Variants in LMNTD2 observed in about 807,000 individuals in gnomAD.
LMNTD2 encodes the protein lamin tail domain-containing protein 2.
In LMNTD2, 83 loss-of-function variants were observed where a neutral mutation model predicts 70.1. The observed-to-expected ratio is 1.18, with a 90% CI of 0.99 to 1.42. The LOEUF is 1.42. Ranked by LOEUF, LMNTD2 falls within the 40% of genes most tolerant of loss-of-function variation. The pLI is 0.00. For missense variants in LMNTD2, 1,153 were observed against 905.9 expected (o/e 1.27, Z -3.50); for synonymous variants, 534 against 406.1 (o/e 1.31, Z -3.79).
rs758469682 is a variant in LMNTD2 at position 556,044 on chromosome 11, G to A, written c.1329C>T (p.Leu443=). ...RASSSREPVP[L]LSIRGCATLL... ...GCGTCGCGCAGCCGCGGATGGAGAG[G>A]AGGGGAACGGGCTCCCGGCTCGAGG... is the stretch of plus-strand genomic sequence containing the variant. Residue 443 remains leucine (L), a synonymous_variant, in exon 11 of 14, where the codon CTC becomes CTT. Coordinates refer to ENST00000329451, the MANE Select transcript of LMNTD2 (RefSeq NM_173573.3). 17 of 1,554,154 alleles carry A rather than the reference G, an allele frequency of 1.1e-5. No individual in the cohort carries two copies. The highest frequency in any genetic ancestry group is 4.6e-5 in the South Asian group (4 of 86,684).
intron 1 of LMNTD2, chr11:559,245 C>A (rs1019414186): frequency 4.7e-6 from 7 of 1,495,878 alleles, no homozygotes; most frequent in Middle Eastern, 1.7e-4. Context: ...ATGTCCCTGG[C>A]GTGTACCCCT....
rs750357468 is a variant in LMNTD2 at position 557,608 on chromosome 11, G to C, written c.588C>G (p.Ser196Arg). ...GGGCCTGAATGTTTTCAGAGAGGTC[G>C]CTTGGGTCCATCAGAGTCTCTGCCG... ...VVTAETLMDP[S>R]DLSENIQAPT... Residue 196 changes from serine (S) to arginine (R), a missense_variant, in exon 6 of 14, where the codon AGC (serine) becomes AGG (arginine). Ser to Arg is a moderately radical substitution (Grantham distance 110). Coordinates refer to ENST00000329451, the MANE Select transcript of LMNTD2 (RefSeq NM_173573.3). 3 of 1,613,292 alleles carry C rather than the reference G, an allele frequency of 1.9e-6. No individual in the cohort carries two copies. Among genetic ancestry groups the C allele is most frequent in the East Asian group, 2.2e-5 (1 of 44,882 alleles).
chr11:559,295 C>A (rs558755377), intron 1 of LMNTD2: 2 of 1,448,134 alleles, frequency 1.4e-6, no homozygotes, highest in Non-Finnish European at 1.8e-6. Flanking sequence ...ATGTGGTGTC[C>A]CTCTTTCTCT....
Position 556,213 on chromosome 11 carries a change from CA to C in LMNTD2, c.1235del (p.Leu412ArgfsTer43). On this transcript the variant is annotated frameshift_variant, in exon 10 of 14. Transcript: ENST00000329451. LOFTEE classifies it high-confidence loss of function. Reference sequence around the variant, plus strand: ...GCACCGTGACGTGGTGCCGCGGGGCCAGCAGCGTGCCCGGCGGGAAGCGGTA... The same window carrying C: ...GCACCGTGACGTGGTGCCGCGGGGCCGCAGCGTGCCCGGCGGGAAGCGGTA... ...RLYRFPPGTLLAPRHHVTVWG... is the reference protein window; with the variant it reads ...RLYRFPPGTLXAPRHHVTVWG... The C allele has an allele frequency of 6.7e-7, 1 of 1,484,062 alleles. No individual in the cohort carries two copies. Among genetic ancestry groups the C allele is most frequent in the Non-Finnish European group, 8.9e-7 (1 of 1,123,286 alleles). The allele number at this position is 1,484,062 out of a possible 1,614,324, so 91.9% of individuals were successfully genotyped here.
At position 560,712 on chromosome 11, in the gene LMNTD2, C is replaced by T. The variant is rs752500733; in HGVS notation, c.5G>A (p.Arg2Gln). Residue 2 changes from arginine (R) to glutamine (Q), a missense_variant, in exon 1 of 14, where the codon CGG (arginine) becomes CAG (glutamine). By Grantham distance (43) the Arg-to-Gln change is conservative. Coordinates refer to ENST00000329451, the MANE Select transcript of LMNTD2 (RefSeq NM_173573.3). M[R>Q]WLRPAGRRRE... Reference sequence around the variant, plus strand: ...ACGCCTGCCCGCGGGCCGCAGCCACCGCATTTCCGCGTTTTTCGCGGTAGG... The same window carrying T: ...ACGCCTGCCCGCGGGCCGCAGCCACTGCATTTCCGCGTTTTTCGCGGTAGG... 4.2e-6 allele frequency: 6 copies of T among 1,438,126 alleles called. No individual in the cohort carries two copies. In the South Asian group the frequency reaches 8.2e-5, roughly 20 times the overall value. 89.1% of individuals were successfully genotyped at this position (1,438,126 alleles called of 1,614,324 possible). A position where few individuals can be genotyped will look rare whatever the true frequency, so the allele number is the denominator to read the frequency against.
chr11:557,213 C>T (rs769747070), intron 7 of LMNTD2, 116 bp from the exon 8 acceptor site: 7 of 1,431,050 alleles, frequency 4.9e-6, no homozygotes, highest in Non-Finnish European at 6.5e-6. Context: ...TACCCAGGCT[C>T]AGTTCATGGC....
chr11:555,972 GC>G, intron 11 of LMNTD2, 23 bp downstream of exon 11: 2 of 1,547,422 alleles, frequency 1.3e-6, no homozygotes, highest in Non-Finnish European at 8.7e-7. Context: ...AGCCCCGGCC[GC>G]CCCACCGGGG....
In LMNTD2 at chr11:556,327, G is replaced by A. The variant is rs1043025211; in HGVS notation, c.1122C>T (p.Val374=). ...IVAVSCREKF[V]RIFNPSQEST... The stretch of plus-strand genomic sequence containing the variant: ...TCTCCTGCGACGGGTTGAAGATGCG[G>A]ACGAACTTCTCCCGGCAGCTCACAG... Residue 374 remains valine (V), a synonymous_variant, in exon 10 of 14, where the codon GTC becomes GTT. Coordinates refer to ENST00000329451, the MANE Select transcript of LMNTD2 (RefSeq NM_173573.3). The A allele has an allele frequency of 2.6e-5, 40 of 1,535,734 alleles. No individual in the cohort carries two copies. Among genetic ancestry groups the A allele is most frequent in the Non-Finnish European group, 3.1e-5 (36 of 1,146,672 alleles).
intron 12 of LMNTD2, 50 bp from the exon 13 acceptor site, chr11:555,553 C>T: frequency 7.5e-7 from 1 of 1,330,544 alleles, no homozygotes; most frequent in South Asian, 1.9e-5. Flanking sequence ...GAAAGGCGGC[C>T]CTAGAGGGCT....
rs375461388 is a variant in LMNTD2 at position 555,444 on chromosome 11, G to C, written c.1634C>G (p.Pro545Arg). Reference protein sequence around the residue: ...SGKLFHAREGPARPENPEIPA... With the variant: ...SGKLFHAREGRARPENPEIPA... Reference sequence around the variant, plus strand: ...GATCTCGGGGTTCTCGGGCCGCGCAGGCCCCTCCCGCGCGTGGAAGAGCTT... The same window carrying C: ...GATCTCGGGGTTCTCGGGCCGCGCACGCCCCTCCCGCGCGTGGAAGAGCTT... Residue 545 changes from proline to arginine, a missense_variant, in exon 13 of 14, where the codon CCT (proline) becomes CGT (arginine). Pro to Arg is a moderately radical substitution (Grantham distance 103). Transcript: ENST00000329451. The C allele has an allele frequency of 1.8e-5, 25 of 1,383,460 alleles. 2 individuals carry two copies. In the African/African-American group the frequency reaches 2.9e-4, roughly 16 times the overall value. 85.7% of individuals were successfully genotyped at this position (1,383,460 alleles called of 1,614,324 possible).
Position 555,745 on chromosome 11 carries a change from G to T in LMNTD2, c.1563C>A (p.Arg521=). 1 of 1,412,382 alleles carries T rather than the reference G, an allele frequency of 7.1e-7. No individual in the cohort carries two copies. The highest frequency in any genetic ancestry group is 9.1e-7 in the Non-Finnish European group (1 of 1,095,452). The allele number at this position is 1,412,382 out of a possible 1,614,324, so 87.5% of individuals were successfully genotyped here. A position where few individuals can be genotyped will look rare whatever the true frequency, so the allele number is the denominator to read the frequency against. Residue 521 remains arginine, a synonymous_variant, in exon 12 of 14, where the codon CGC becomes CGA. Transcript: ENST00000329451. ...CCCGCGGTCCCCACCCTGGTCTCCG[G>T]CGACTGACCCGGGGCTCCCGCACCC... is the stretch of plus-strand genomic sequence containing the variant. ...KGRVREPRVS[R]RRPGTRGLLP...
chr11:556,819 A>T lies in LMNTD2; in HGVS notation c.976+16T>A. On this transcript the variant is annotated intron_variant, in intron 8 of 13. Transcript: ENST00000329451. The stretch of plus-strand genomic sequence containing the variant: ...GGTGGGTGAAGGGTAACCAGGGGAG[A>T]CCCGCCCCACTGCACCTTCTGAGTC... 1 of 1,541,222 alleles carries T rather than the reference A, an allele frequency of 6.5e-7. No individual in the cohort carries two copies. The highest frequency in any genetic ancestry group is 8.8e-7 in the Non-Finnish European group (1 of 1,140,246).
In LMNTD2 at chr11:558,969, C is replaced by G; in HGVS notation, c.45G>C (p.Ser15=). 2 of 1,601,302 alleles carry G rather than the reference C, an allele frequency of 1.2e-6. No homozygotes were observed. The highest frequency in any genetic ancestry group is 1.7e-5 in the Admixed American group (1 of 60,008). ...RPAGRRREQE[S]VSGHLGPPAG... ...CTGGAGGTCCCAGGTGACCACTGAC[C>G]GACTCTTGCTCTGTGGGGGACAGGA... The change falls in exon 2 of 14, where the codon TCG becomes TCC. Residue 15 remains serine (S), a synonymous_variant. Coordinates refer to ENST00000329451, the MANE Select transcript of LMNTD2 (RefSeq NM_173573.3).
intron 8 of LMNTD2, 118 bp downstream of exon 8, chr11:556,717 G>A (rs1852904891): frequency 7.0e-7 from 1 of 1,425,460 alleles, no homozygotes; most frequent in East Asian, 2.5e-5. Context: ...GATGGGGCAG[G>A]AAAGGTGGCT....
Position 558,051 on chromosome 11 carries a change from G to C in LMNTD2, c.400-12C>G, listed in dbSNP as rs1244749676. On this transcript the variant is annotated splice_polypyrimidine_tract_variant and intron_variant, in intron 4 of 13. Transcript: ENST00000329451. Reference sequence around the variant, plus strand: ...AGGTGCTCCTTCTCCTGCTCCGAGAGGGCCTGTGGTTGGTGGTGGGGGGGT... The same window carrying C: ...AGGTGCTCCTTCTCCTGCTCCGAGACGGCCTGTGGTTGGTGGTGGGGGGGT... The C allele has an allele frequency of 3.8e-6, 6 of 1,581,756 alleles. No individual in the cohort carries two copies. In the Middle Eastern group the frequency reaches 5.1e-4, roughly 134 times the overall value.
In LMNTD2 at chr11:555,388, C is replaced by A; in HGVS notation, c.1690G>T (p.Gly564Cys). 2 of 1,405,756 alleles carry A rather than the reference C, an allele frequency of 1.4e-6. No individual in the cohort carries two copies. The highest frequency in any genetic ancestry group is 9.2e-7 in the Non-Finnish European group (1 of 1,083,564). The allele number at this position is 1,405,756 out of a possible 1,614,324, so 87.1% of individuals were successfully genotyped here. A position where few individuals can be genotyped will look rare whatever the true frequency, so the allele number is the denominator to read the frequency against. ...GGAGGCGACGGCAGGGTGGGGTCAC[C>A]CGGGATGGCGGGCAGGTGCTGCGGC... Reference protein sequence around the residue: ...PAPQHLPAIPGDPTLPSPPAE... With the variant: ...PAPQHLPAIPCDPTLPSPPAE... Residue 564 changes from glycine (G) to cysteine (C), a missense_variant, in exon 13 of 14, where the codon GGT becomes TGT. Transcript: ENST00000329451.
rs775497715 is a variant in LMNTD2 at position 557,979 on chromosome 11, C to T, written c.460G>A (p.Ala154Thr). 7 of 1,600,224 alleles carry T rather than the reference C, an allele frequency of 4.4e-6. No individual in the cohort carries two copies. In the African/African-American group the frequency reaches 5.4e-5, roughly 12 times the overall value. ...QTTRTLQEME[A>T]ELQNLQKSCL... is the part of the protein sequence containing the mutation. ...GACTTCTGCAAGTTCTGCAGCTCGG[C>T]CTCCATCTCCTGGAGCGTGCGGGTG... is the stretch of plus-strand genomic sequence containing the variant. Residue 154 changes from alanine (A) to threonine (T), a missense_variant, in exon 5 of 14, where the codon GCC becomes ACC. Transcript: ENST00000329451.
chr11:560,491 C>A, intron 1 of LMNTD2, 192 bp downstream of exon 1: 1 of 1,257,968 alleles, frequency 7.9e-7, no homozygotes. Context: ...GCGACCCCTG[C>A]GCGTCCAGAC....
chr11:555,332 A>T lies in LMNTD2; in HGVS notation c.1746T>A (p.Cys582Ter). The change falls in exon 13 of 14, where the codon TGT (cysteine) becomes TGA (stop). Residue 582 changes from cysteine to a stop codon, truncating the protein, a stop_gained. Coordinates refer to ENST00000329451, the MANE Select transcript of LMNTD2 (RefSeq NM_173573.3). LOFTEE classifies it low-confidence loss of function (END_TRUNC). ...GAACTCGGTGTTCTTTCTGGAGCCG[A>T]CAGTCCTCCAGGCCCAGCCCGGCCT... ...PAEAGLGLED[C>*]RLQKEHRVRV... 1.4e-6 allele frequency: 2 copies of T among 1,423,062 alleles called. No homozygotes were observed. The highest frequency in any genetic ancestry group is 1.8e-6 in the Non-Finnish European group (2 of 1,091,048). 88.2% of individuals were successfully genotyped at this position (1,423,062 alleles called of 1,614,324 possible). A position where few individuals can be genotyped will look rare whatever the true frequency, so the allele number is the denominator to read the frequency against.
Sources: gnomAD v4.1 joint callset for allele counts on GRCh38, gnomAD v4.1.1 for gene constraint, MANE v1.5 for transcripts, NCBI Gene and HGNC (gene_info 2026-07-23, HGNC 2026-07-21) for gene names.